The following CCDC183 variants were observed in gnomAD, a reference collection of about 807,000 sequenced individuals.
CCDC183 encodes coiled-coil domain containing 183, also known as coiled-coil domain-containing protein 183.
CCDC183 carries 63 observed loss-of-function variants against 65.2 expected under a neutral mutation model. That is an observed-to-expected ratio of 0.97 (90% confidence interval 0.79 to 1.19). CCDC183 has a LOEUF of 1.19. Ranked by LOEUF, CCDC183 falls within the 50% of genes most tolerant of loss-of-function variation. CCDC183 has a pLI of 0.00. For synonymous variants in CCDC183, 323 were observed against 276.5 expected (o/e 1.17, Z -1.67); for missense variants, 769 against 689.3 (o/e 1.12, Z -1.30).
At chr9:136,806,292 C>T (rs1847848564) in intron 10 of CCDC183, 54 bp downstream of exon 10, 5 of 1,532,566 alleles carry the variant, frequency 3.3e-6, no homozygotes, top group South Asian at 1.2e-5. Flanking sequence ...ACAAAGGCCC[C>T]GGGCTGCAGC....
At chr9:136,796,513 T>A in intron 1 of CCDC183, 46 bp downstream of exon 1, 1 of 1,371,486 alleles carries the variant, frequency 7.3e-7, no homozygotes, top group Non-Finnish European at 1.0e-6. Context: ...CGTCTGGGGG[T>A]TTCTGGGTGC....
chr9:136,800,608 C>T (rs1401341426), intron 5 of CCDC183, 115 bp downstream of exon 5: 2 of 719,522 alleles, frequency 2.8e-6, no homozygotes, highest in Admixed American at 5.6e-5. Flanking sequence ...TCTGCCTGAC[C>T]ACCGGCTACG....
rs1374184612 is a variant in CCDC183, at chr9:136,800,460, G to A, written c.510G>A (p.Leu170=). ...IKIITSQNIH[L]LYLDLLDYLK... is the part of the protein sequence containing the mutation. ...TCATCACCAGCCAGAACATCCACCT[G>A]CTGTATTTGGACCTGCTGGATTATC... Residue 170 remains leucine, a synonymous_variant, in exon 5 of 14, where the codon CTG becomes CTA. Coordinates refer to ENST00000338005, the MANE Select transcript of CCDC183 (RefSeq NM_001039374.5). 1 of 1,612,650 alleles carries A rather than the reference G, an allele frequency of 6.2e-7. No individual in the cohort carries two copies. The highest frequency in any genetic ancestry group is 1.3e-5 in the African/African-American group (1 of 74,998).
In CCDC183 at chr9:136,806,248, G is replaced by A. The variant is rs1460284798; in HGVS notation, c.1109+10G>A. The stretch of plus-strand genomic sequence containing the variant: ...AGCCTAGCTCCATCAGGTGCCCCGG[G>A]CTTCCGGGGCTGCGGGCCACCCACC... On this transcript the variant is annotated intron_variant, in intron 10 of 13. Transcript: ENST00000338005. 2 of 1,584,504 alleles carry A rather than the reference G, an allele frequency of 1.3e-6. No homozygotes were observed. The highest frequency in any genetic ancestry group is 1.7e-6 in the Non-Finnish European group (2 of 1,165,434).
chr9:136,807,381 C>T (rs1847879753), intron 13 of CCDC183, 191 bp from the exon 14 acceptor site: 1 of 776,116 alleles, frequency 1.3e-6, no homozygotes. Context: ...ACTGGGGGTT[C>T]TGCGGGAAAG....
intron 13 of CCDC183, 72 bp from the exon 14 acceptor site, chr9:136,807,500 G>C: frequency 1.3e-6 from 2 of 1,484,826 alleles, no homozygotes; most frequent in Non-Finnish European, 9.0e-7. Context: ...GGAGGGCGGG[G>C]GCGAGAGGCG....
intron 8 of CCDC183, chr9:136,805,107 G>T: frequency 1.7e-6 from 1 of 592,790 alleles, no homozygotes; most frequent in Non-Finnish European, 3.0e-6. Context: ...AAGCACCACC[G>T]GGCCCACAGT....
At chr9:136,796,720 C>T (rs534809375) in intron 1 of CCDC183, among the ~76,000 whole-genome samples, 38 of 152,266 alleles carry the variant, frequency 2.5e-4, no homozygotes, top group Admixed American at 8.5e-4. Context: ...CATTTAGGGC[C>T]GTGCAGGATG....
intron 1 of CCDC183, among the ~76,000 whole-genome samples, chr9:136,797,438 CTTT>C (rs373062914): frequency 1.7e-4 from 24 of 142,166 alleles, no homozygotes; most frequent in African/African-American, 4.4e-4. Flanking sequence ...TACTTTGTGT[CTTT>C]TTTTTTTTTT....
rs770632429 is a variant in CCDC183 at position 136,799,615 on chromosome 9, GCGTGGGATACAAGAGGC to G, written c.193-96_193-80del. 9.1e-3 allele frequency: 9,452 copies of G among 1,033,766 alleles called. 41 individuals carry two copies. The highest frequency in any genetic ancestry group is 0.013 in the Non-Finnish European group (8,615 of 684,678). The allele number at this position is 1,033,766 out of a possible 1,614,324, so 64.0% of individuals were successfully genotyped here. ...AAGCAGGGATCTCGCTACTGGGCTA[GCGTGGGATACAAGAGGC>G]CCTGGGGAGAATGCCTGGAGGAGCC... On this transcript the variant is annotated intron_variant, in intron 2 of 13. Transcript: ENST00000338005.
intron 3 of CCDC183, 100 bp downstream of exon 3, chr9:136,799,890 C>G (rs963358630): frequency 1.9e-5 from 28 of 1,509,192 alleles, no homozygotes; most frequent in African/African-American, 2.8e-5. Context: ...AGCAGGTGCC[C>G]AGCCCCAGGT....
chr9:136,796,848 G>C (rs1220507031), intron 1 of CCDC183, among the ~76,000 whole-genome samples: 1 of 152,180 alleles, frequency 6.6e-6, no homozygotes, highest in Non-Finnish European at 1.5e-5. Flanking sequence ...CTCTGCCCAG[G>C]AAAGCCTGGG....
At chr9:136,807,134 G>C in intron 13 of CCDC183, 68 bp downstream of exon 13, 1 of 1,437,926 alleles carries the variant, frequency 7.0e-7, no homozygotes, top group South Asian at 1.2e-5. Context: ...GGTGGCGCCG[G>C]CTCCCATCCC....
At chr9:136,796,490 A>G in intron 1 of CCDC183, 23 bp downstream of exon 1, 8 of 1,542,804 alleles carry the variant, frequency 5.2e-6, no homozygotes, top group Non-Finnish European at 7.0e-6. Flanking sequence ...CGCCGTGACC[A>G]GTCTCCCTTT....
In CCDC183 at chr9:136,799,766, G is replaced by A; in HGVS notation, c.246G>A (p.Leu82=). 1 of 1,613,132 alleles carries A rather than the reference G, an allele frequency of 6.2e-7. No individual in the cohort carries two copies. Among genetic ancestry groups the A allele is most frequent in the South Asian group, 1.1e-5 (1 of 91,078 alleles). Residue 82 remains leucine, a synonymous_variant, in exon 3 of 14, where the codon CTG becomes CTA. Transcript: ENST00000338005. ...GCGGGAAAAACTTGCCTTTGCGACT[G>A]GCGCACTGCCGCAGCACCATGGAGG... ...KACGKNLPLR[L]AHCRSTMEVV...
chr9:136,799,216 C>A lies in CCDC183; in HGVS notation c.185C>A (p.Ala62Asp). 1 of 1,602,302 alleles carries A rather than the reference C, an allele frequency of 6.2e-7. No homozygotes were observed. The highest frequency in any genetic ancestry group is 8.5e-7 in the Non-Finnish European group (1 of 1,174,958). The change falls in exon 2 of 14, where the codon GCC becomes GAC. Residue 62 changes from alanine to aspartate, a missense_variant. Physicochemically the swap from Ala to Asp is moderately radical, Grantham distance 126. Transcript: ENST00000338005. ...CGCGGGGCCCAGGACTGGGCTTTGG[C>A]CAAGAAGGTACACAAACGCCGCCCC... Reference protein sequence around the residue: ...IRRGAQDWALAKKYDQWTISK... With the variant: ...IRRGAQDWALDKKYDQWTISK...
Position 136,796,437 on chromosome 9 carries a change from C to T in CCDC183, c.40C>T (p.Gln14Ter). 6.3e-7 allele frequency: 1 copy of T among 1,580,210 alleles called. No homozygotes were observed. The highest frequency in any genetic ancestry group is 1.3e-5 in the African/African-American group (1 of 74,840). Residue 14 changes from glutamine (Q) to a stop codon, truncating the protein, a stop_gained, in exon 1 of 14, where the codon CAG (glutamine) becomes TAG (stop). Coordinates refer to ENST00000338005, the MANE Select transcript of CCDC183 (RefSeq NM_001039374.5). LOFTEE classifies it high-confidence loss of function. Reference protein sequence around the residue: ...HSETDVEEQTQELKTITQLQE... With the variant: ...HSETDVEEQT Reference sequence around the variant, plus strand: ...TGAGACAGATGTGGAAGAGCAGACCCAGGAGCTGAAGACCATCACTCAGCT... The same window carrying T: ...TGAGACAGATGTGGAAGAGCAGACCTAGGAGCTGAAGACCATCACTCAGCT...
At chr9:136,807,330 G>C (rs1847878062) in intron 13 of CCDC183, 11 of 651,480 alleles carry the variant, frequency 1.7e-5, no homozygotes, top group Non-Finnish European at 2.6e-5. Flanking sequence ...ACCAGGGCTG[G>C]AGCAGGGAGG....
intron 5 of CCDC183, among the ~76,000 whole-genome samples, chr9:136,801,016 G>A (rs1847729915): frequency 6.6e-6 from 1 of 152,222 alleles, no homozygotes; most frequent in Non-Finnish European, 1.5e-5. Flanking sequence ...CTGTAGATAG[G>A]GAGAGCACAG....
Sources: gnomAD v4.1 joint callset for allele counts (sites outside exome capture counted in the v4.1 genomes callset) on GRCh38, gnomAD v4.1.1 for gene constraint, MANE v1.5 for transcripts, NCBI Gene and HGNC (gene_info 2026-07-23, HGNC 2026-07-21) for gene names.